MYT1L: variants seen among roughly 807,000 people sequenced by gnomAD.
MYT1L encodes myelin transcription factor 1 like.
In MYT1L, 12 loss-of-function variants were observed where a neutral mutation model predicts 126.7. That is an observed-to-expected ratio of 0.09 (90% CI 0.06 to 0.15). The LOEUF is 0.15. Among genes scored for constraint, MYT1L ranks in the 10% least tolerant of loss-of-function variants. MYT1L has a pLI of 1.00. For missense variants in MYT1L, 979 were observed against 1,585.2 expected, an observed-to-expected ratio of 0.62 and a Z score of 6.49; for synonymous variants, 541 against 604.2, an observed-to-expected ratio of 0.90 and a Z score of 1.53.
Position 2,260,158 on chromosome 2 carries a change from C to G in MYT1L, c.-421+24246G>C, listed in dbSNP as rs1039486660. Among the ~76,000 whole-genome samples the G allele has an allele frequency of 1.3e-5, 2 of 152,154 alleles. 1 individual carries two copies. Among genetic ancestry groups the G allele is most frequent in the South Asian group, 4.1e-4 (2 of 4,824 alleles). On this transcript the variant is annotated intron_variant, in intron 2 of 24. Coordinates refer to ENST00000647738, the MANE Select transcript of MYT1L (RefSeq NM_001303052.2). ...ACAGAGAGAAACAGGATTCACAATG[C>G]GTGATGAGATTTTACACCTGGCTCC...
intron 8 of MYT1L, among the ~76,000 whole-genome samples, chr2:1,978,814 C>G (rs953124054): frequency 6.6e-6 from 1 of 152,048 alleles, no homozygotes; most frequent in Admixed American, 6.6e-5. Flanking sequence ...TCCTGCCACT[C>G]CCAGAATGAG....
intron 2 of MYT1L, among the ~76,000 whole-genome samples, chr2:2,179,587 G>A (rs942528740): frequency 2.6e-5 from 4 of 152,182 alleles, no homozygotes; most frequent in Admixed American, 6.5e-5. Flanking sequence ...ACACAAACAC[G>A]TAAAGGAGGT....
intron 23 of MYT1L, among the ~76,000 whole-genome samples, chr2:1,798,450 C>T (rs1558586889): frequency 6.6e-6 from 1 of 152,242 alleles, no homozygotes; most frequent in African/African-American, 2.4e-5. Context: ...CGCTCCCATT[C>T]CAGAGAGAAC....
rs188284453 is a variant in MYT1L, at chr2:1,839,137, G to T, written c.3080+12C>A. 508 of 1,599,128 alleles carry T rather than the reference G, an allele frequency of 3.2e-4. 4 individuals carry two copies. The African/African-American group carries it at 6.3e-3, about 20-fold the overall frequency. On this transcript the variant is annotated intron_variant, in intron 21 of 24. Transcript: ENST00000647738. The stretch of plus-strand genomic sequence containing the variant: ...CCATCCCAGCCAGGGTCCCGCAGAC[G>T]CGGCCACTCACCTGCGGTGTGTGAG...
chr2:2,175,849 T>C (rs1039851404), intron 2 of MYT1L, among the ~76,000 whole-genome samples: 3 of 152,192 alleles, frequency 2.0e-5, no homozygotes, highest in South Asian at 4.1e-4. Context: ...GGCAGGTGCA[T>C]CTCCAGCTCT....
At chr2:2,162,294 G>A (rs563934269) in intron 3 of MYT1L, among the ~76,000 whole-genome samples, 1 of 151,370 alleles carries the variant, frequency 6.6e-6, no homozygotes, top group African/African-American at 2.4e-5. Context: ...GTGGTGCCTG[G>A]GGTCCACGGA....
rs1468604025 is a variant in MYT1L at position 2,103,852 on chromosome 2, A to AT, written c.-303-49730dup. The stretch of plus-strand genomic sequence containing the variant: ...ACATACATGGAATTGTGAGGGGCAT[A>AT]TTAACAAGAAGCTTCAACAGAGCAG... On this transcript the variant is annotated intron_variant, in intron 3 of 24. Coordinates refer to ENST00000647738, the MANE Select transcript of MYT1L (RefSeq NM_001303052.2). Among the ~76,000 whole-genome samples, 3 of 152,244 alleles carry AT rather than the reference A, an allele frequency of 2.0e-5. No individual in the cohort carries two copies. In the East Asian group the frequency reaches 5.8e-4, roughly 29 times the overall value.
intron 3 of MYT1L, among the ~76,000 whole-genome samples, chr2:2,126,355 A>G (rs2081690619): frequency 6.6e-6 from 1 of 152,232 alleles, no homozygotes; most frequent in South Asian, 2.1e-4. Flanking sequence ...CTCCAACTGT[A>G]AAGAATGCTT....
intron 1 of MYT1L, among the ~76,000 whole-genome samples, chr2:2,288,821 T>A (rs1389310642): frequency 6.6e-6 from 1 of 152,228 alleles, no homozygotes; most frequent in Non-Finnish European, 1.5e-5. Context: ...CATGTTCAGC[T>A]TGAACACCTC....
intron 10 of MYT1L, among the ~76,000 whole-genome samples, chr2:1,920,874 G>A (rs1391058232): frequency 2.0e-5 from 3 of 152,166 alleles, no homozygotes; most frequent in Non-Finnish European, 4.4e-5. Context: ...CAATCCCTTC[G>A]CTACATAACA....
intron 9 of MYT1L, 123 bp from the exon 10 acceptor site, chr2:1,923,386 G>T: frequency 1.2e-6 from 1 of 815,136 alleles, no homozygotes; most frequent in African/African-American, 1.7e-5. Flanking sequence ...TCATCTCACA[G>T]AACTGTAAGT....
chr2:2,023,697 GTC>G (rs2065258338), intron 4 of MYT1L, among the ~76,000 whole-genome samples: 1 of 152,006 alleles, frequency 6.6e-6, no homozygotes, highest in African/African-American at 2.4e-5. Flanking sequence ...TGTCTAGCGA[GTC>G]TTCCTCTTCG....
intron 3 of MYT1L, among the ~76,000 whole-genome samples, chr2:2,155,119 C>T (rs569818987): frequency 2.8e-4 from 43 of 151,880 alleles, no homozygotes; most frequent in Non-Finnish European, 5.4e-4. Flanking sequence ...AAGAGTGAAA[C>T]TCCATCTCAA....
intron 8 of MYT1L, among the ~76,000 whole-genome samples, chr2:1,964,382 T>C (rs779488387): frequency 5.3e-5 from 8 of 152,146 alleles, no homozygotes; most frequent in Non-Finnish European, 1.0e-4. Flanking sequence ...ACAGAGACAC[T>C]GAGTGAGCAC....
chr2:1,899,239 C>T (rs1477773899), intron 14 of MYT1L, among the ~76,000 whole-genome samples: 1 of 152,246 alleles, frequency 6.6e-6, no homozygotes, highest in Non-Finnish European at 1.5e-5. Flanking sequence ...TTGGCTCTGC[C>T]CTGCACTGTG....
chr2:2,108,254 C>T (rs1262256306), intron 3 of MYT1L, among the ~76,000 whole-genome samples: 1 of 152,190 alleles, frequency 6.6e-6, no homozygotes, highest in African/African-American at 2.4e-5. Flanking sequence ...GGCAGAGGAA[C>T]AGACGGAGCT....
At chr2:1,931,845 G>A (rs1250747182) in intron 9 of MYT1L, among the ~76,000 whole-genome samples, 5 of 152,042 alleles carry the variant, frequency 3.3e-5, no homozygotes, top group South Asian at 4.2e-4. Context: ...CGTGCAGCAG[G>A]TGCAATGCCT....
intron 21 of MYT1L, among the ~76,000 whole-genome samples, chr2:1,826,639 G>A (rs2039385088): frequency 6.6e-6 from 1 of 152,218 alleles, no homozygotes; most frequent in African/African-American, 2.4e-5. Context: ...CAAAGGGTCT[G>A]AGGTGCTTTT....
At chr2:2,287,051 G>A (rs2095531668) in intron 1 of MYT1L, among the ~76,000 whole-genome samples, 1 of 152,136 alleles carries the variant, frequency 6.6e-6, no homozygotes, top group African/African-American at 2.4e-5. Flanking sequence ...GAGGTCGGGA[G>A]TTCGAGACCA....
Sources: allele counts gnomAD v4.1 joint callset (sites outside exome capture counted in the v4.1 genomes callset), GRCh38; gene constraint gnomAD v4.1.1; transcripts MANE v1.5; gene names NCBI Gene and HGNC (gene_info 2026-07-23, HGNC 2026-07-21).